The following MAPK10 variants were observed in gnomAD, a reference collection of about 807,000 sequenced individuals.
MAPK10 encodes mitogen-activated protein kinase 10, also known as JNK3 alpha protein kinase.
MAPK10 carries 25 observed loss-of-function variants against 59.3 expected under a neutral mutation model. The observed-to-expected ratio is 0.42, with a 90% CI of 0.31 to 0.59. MAPK10 has a LOEUF of 0.59. MAPK10 is among the 20% of genes least tolerant of loss of function. MAPK10 has a pLI of 0.15. For synonymous variants in MAPK10, 190 were observed against 200.5 expected, an observed-to-expected ratio of 0.95 and a Z score of 0.44; for missense variants, 351 against 568.9, an observed-to-expected ratio of 0.62 and a Z score of 3.90.
intron 1 of MAPK10, among the ~76,000 whole-genome samples, chr4:86,487,362 A>AGAGT (rs1554272299): frequency 0.026 from 3,820 of 148,780 alleles, 122 homozygotes; most frequent in African/African-American, 0.072. Context: ...AGAGAGAGAG[A>AGAGT]GTGTGTGTGT....
At chr4:86,564,793 C>A (rs1384669162) in intron 1 of MAPK10, among the ~76,000 whole-genome samples, 1 of 152,068 alleles carries the variant, frequency 6.6e-6, no homozygotes. Context: ...GCAAGATAGT[C>A]TTGGGGAGGA....
At chr4:86,446,863 G>A (rs1020510250) in intron 1 of MAPK10, among the ~76,000 whole-genome samples, 7 of 151,898 alleles carry the variant, frequency 4.6e-5, no homozygotes, top group South Asian at 2.1e-4. Context: ...TGAATTACCT[G>A]TTCATATCTT....
rs1755940936 is a variant in MAPK10 at position 86,508,088 on chromosome 4, AAC to A, written c.-263+85820_-263+85821del. Among the ~76,000 whole-genome samples, 3 of 152,196 alleles carry A rather than the reference AAC, an allele frequency of 2.0e-5. No homozygotes were observed. In the South Asian group the frequency reaches 6.2e-4, roughly 32 times the overall value. ...AACATTGTCTTCTTTTACCCTCCTG[AAC>A]ACACACATAGTTTACTATGGCATGT... On this transcript the variant is annotated intron_variant, in intron 1 of 4. Transcript: ENST00000502302.
chr4:86,561,756 T>C (rs889627271), intron 1 of MAPK10, among the ~76,000 whole-genome samples: 1 of 152,198 alleles, frequency 6.6e-6, no homozygotes, highest in African/African-American at 2.4e-5. Flanking sequence ...CACTTTTCTA[T>C]GTCAAGCAAT....
intron 1 of MAPK10, among the ~76,000 whole-genome samples, chr4:86,537,730 T>C (rs1270564817): frequency 6.6e-6 from 1 of 152,198 alleles, no homozygotes; most frequent in Non-Finnish European, 1.5e-5. Context: ...AACCACTCCT[T>C]TCTAGGTTAT....
At chr4:86,342,562 A>G (rs1725630101) in intron 2 of MAPK10, among the ~76,000 whole-genome samples, 1 of 152,232 alleles carries the variant, frequency 6.6e-6, no homozygotes, top group East Asian at 1.9e-4. Flanking sequence ...ATCCTTACAC[A>G]GACTCCTGTG....
At chr4:86,378,617 T>C (rs1249915795) in intron 1 of MAPK10, among the ~76,000 whole-genome samples, 2 of 152,204 alleles carry the variant, frequency 1.3e-5, no homozygotes, top group African/African-American at 4.8e-5. Flanking sequence ...TATACTAGAG[T>C]ACATTATGTA....
chr4:86,299,450 C>T (rs973943892), intron 2 of MAPK10, among the ~76,000 whole-genome samples: 1 of 152,024 alleles, frequency 6.6e-6, no homozygotes, highest in African/African-American at 2.4e-5. Context: ...GAGAGAGATC[C>T]CTTGTTCCTT....
At chr4:86,194,097 G>A in intron 3 of MAPK10, 1 of 484,070 alleles carries the variant, frequency 2.1e-6, no homozygotes, top group Non-Finnish European at 3.7e-6. Flanking sequence ...ACCTTTCCCA[G>A]TGAGATGAAC....
chr4:86,577,982 T>C (rs1762021037), intron 1 of MAPK10, among the ~76,000 whole-genome samples: 1 of 152,240 alleles, frequency 6.6e-6, no homozygotes, highest in East Asian at 1.9e-4. Context: ...TCAATTGGAA[T>C]TAAGGTTGGT....
intron 1 of MAPK10, among the ~76,000 whole-genome samples, chr4:86,387,373 C>T (rs937953498): frequency 1.2e-4 from 19 of 152,294 alleles, no homozygotes; most frequent in African/African-American, 4.3e-4. Flanking sequence ...AAACAGCCAA[C>T]TATAAAACTC....
At chr4:86,290,783 T>G (rs2095198748) in intron 2 of MAPK10, among the ~76,000 whole-genome samples, 1 of 152,180 alleles carries the variant, frequency 6.6e-6, no homozygotes, top group African/African-American at 2.4e-5. Flanking sequence ...AAAGTTGACC[T>G]TTTTCCTTTC....
At chr4:86,039,831 A>T (rs1185332514) in intron 11 of MAPK10, among the ~76,000 whole-genome samples, 1 of 151,990 alleles carries the variant, frequency 6.6e-6, no homozygotes. Flanking sequence ...ATCCATGGGG[A>T]CTCAATCAAT....
intron 8 of MAPK10, chr4:86,099,305 A>T (rs1370996241): frequency 6.6e-6 from 1 of 152,270 alleles, no homozygotes; most frequent in Non-Finnish European, 1.5e-5. Flanking sequence ...AAGTGAAAAA[A>T]GTATTAAAGG....
chr4:86,159,090 G>T, intron 4 of MAPK10: 2 of 362,444 alleles, frequency 5.5e-6, no homozygotes, highest in Non-Finnish European at 9.7e-6. Flanking sequence ...AAAAAAACAT[G>T]TCACAAGCCA....
chr4:86,435,592 G>A (rs1748618756), intron 1 of MAPK10, among the ~76,000 whole-genome samples: 1 of 152,030 alleles, frequency 6.6e-6, no homozygotes, highest in Non-Finnish European at 1.5e-5. Context: ...AATATGTGAT[G>A]CCATCAGAGC....
chr4:86,183,825 C>T (rs28722583), intron 3 of MAPK10, among the ~76,000 whole-genome samples: 12,936 of 152,088 alleles, frequency 0.085, 1,212 homozygotes, highest in African/African-American at 0.23. Context: ...TTTTAATGAT[C>T]GCCATTCTAA....
At chr4:86,526,449 A>G (rs1028099620) in intron 1 of MAPK10, among the ~76,000 whole-genome samples, 1 of 152,066 alleles carries the variant, frequency 6.6e-6, no homozygotes, top group Non-Finnish European at 1.5e-5. Context: ...TGCTTATTTG[A>G]ACCTTCTCTT....
intron 4 of MAPK10, among the ~76,000 whole-genome samples, chr4:86,135,200 T>TGCCTGCCTCTGGAGGCTC (rs2061743000): frequency 6.6e-6 from 1 of 152,348 alleles, no homozygotes; most frequent in African/African-American, 2.4e-5. Context: ...CAAGGAGGCC[T>TGCCTGCCTCTGGAGGCTC]GCCTGCCTCT....
Sources: gnomAD v4.1 joint callset for allele counts (sites outside exome capture counted in the v4.1 genomes callset) on GRCh38, gnomAD v4.1.1 for gene constraint, MANE v1.5 for transcripts, NCBI Gene and HGNC (gene_info 2026-07-23, HGNC 2026-07-21) for gene names.